The following TMEM132E variants were observed in gnomAD, a reference collection of about 807,000 sequenced individuals.
TMEM132E encodes the protein transmembrane protein 132E.
TMEM132E carries 49 observed loss-of-function variants against 78.5 expected under a neutral mutation model. The ratio of observed to expected loss-of-function variants is 0.62; its 90% CI spans 0.50 to 0.79. TMEM132E has a LOEUF of 0.79. TMEM132E is among the 30% of genes least tolerant of loss of function. The probability of loss-of-function intolerance (pLI) is 0.00; values close to 1 mark genes in which losing one functional copy is unlikely to be tolerated. For missense variants in TMEM132E, 1,403 were observed against 1,470.9 expected, an observed-to-expected ratio of 0.95 and a Z score of 0.75; for synonymous variants, 715 against 670.6, an observed-to-expected ratio of 1.07 and a Z score of -1.02.
intron 1 of TMEM132E, among the ~76,000 whole-genome samples, chr17:34,590,785 G>T (rs1905842844): frequency 6.6e-6 from 1 of 152,204 alleles, no homozygotes; most frequent in Non-Finnish European, 1.5e-5. Context: ...TGCTGGGGAG[G>T]TGTAGAGAGT....
At chr17:34,584,787 GTGGGC>G (rs1905608483) in intron 1 of TMEM132E, among the ~76,000 whole-genome samples, 2 of 152,232 alleles carry the variant, frequency 1.3e-5, no homozygotes, top group Non-Finnish European at 2.9e-5. Context: ...TGCCCCTTGA[GTGGGC>G]ACATACAAGA....
At position 34,637,909 on chromosome 17, in the gene TMEM132E, G is replaced by A. The variant is rs910357535; in HGVS notation, c.2902G>A (p.Asp968Asn). 1 of 1,605,634 alleles carries A rather than the reference G, an allele frequency of 6.2e-7. No individual in the cohort carries two copies. The highest frequency in any genetic ancestry group is 8.5e-7 in the Non-Finnish European group (1 of 1,178,714). The change falls in exon 9 of 9, where the codon GAC (aspartate) becomes AAC (asparagine). Residue 968 changes from aspartate (D) to asparagine (N), a missense_variant. Asp to Asn is a conservative substitution (Grantham distance 23). Around this residue, in one of 3 missense-constraint regions of TMEM132E, gnomAD observed 888 missense variants for 952.8 expected, o/e 0.93. Coordinates refer to ENST00000631683, the MANE Select transcript of TMEM132E (RefSeq NM_001304438.2). ...LETVPAFCHG[D>N]HHSSGSSQTS... Reference sequence around the variant, plus strand: ...AACCGTGCCCGCCTTCTGCCACGGCGACCACCACAGCAGCGGCAGCTCGCA... The same window carrying A: ...AACCGTGCCCGCCTTCTGCCACGGCAACCACCACAGCAGCGGCAGCTCGCA...
At chr17:34,585,531 T>C (rs1204329880) in intron 1 of TMEM132E, among the ~76,000 whole-genome samples, 2 of 152,164 alleles carry the variant, frequency 1.3e-5, no homozygotes, top group Non-Finnish European at 2.9e-5. Context: ...CAACCTCATG[T>C]GGATGAGGAA....
chr17:34,630,803 C>T (rs1907325841), intron 5 of TMEM132E, among the ~76,000 whole-genome samples: 1 of 152,164 alleles, frequency 6.6e-6, no homozygotes, highest in African/African-American at 2.4e-5. Context: ...TGAGCTCCTT[C>T]CCAGGGACCT....
chr17:34,620,124 C>G (rs1402400611), intron 1 of TMEM132E, among the ~76,000 whole-genome samples: 3 of 152,206 alleles, frequency 2.0e-5, no homozygotes, highest in Non-Finnish European at 2.9e-5. Context: ...CTGCCCGGCC[C>G]TAGCTTCCAC....
intron 1 of TMEM132E, among the ~76,000 whole-genome samples, chr17:34,604,832 G>A (rs1043021940): frequency 7.9e-5 from 12 of 152,208 alleles, no homozygotes; most frequent in African/African-American, 2.2e-4. Context: ...TCTGTGCCAG[G>A]CACTTGCATT....
At chr17:34,599,671 T>C (rs1032160695) in intron 1 of TMEM132E, among the ~76,000 whole-genome samples, 8 of 152,204 alleles carry the variant, frequency 5.3e-5, no homozygotes, top group Non-Finnish European at 8.8e-5. Flanking sequence ...TTTTTTATTA[T>C]TATCATTTTT....
At chr17:34,629,872 C>A in intron 4 of TMEM132E, 136 bp from the exon 5 acceptor site, 1 of 1,021,510 alleles carries the variant, frequency 9.8e-7, no homozygotes, top group Non-Finnish European at 1.4e-6. Flanking sequence ...TCCCTGCACA[C>A]GGGTGCAAGT....
At chr17:34,633,963 T>A (rs1907435173) in intron 6 of TMEM132E, among the ~76,000 whole-genome samples, 1 of 152,206 alleles carries the variant, frequency 6.6e-6, no homozygotes, top group African/African-American at 2.4e-5. Context: ...ACATAACCAC[T>A]CTGTGCCTCC....
At chr17:34,619,560 G>T (rs1212456785) in intron 1 of TMEM132E, among the ~76,000 whole-genome samples, 4 of 151,582 alleles carry the variant, frequency 2.6e-5, no homozygotes, top group Non-Finnish European at 5.9e-5. Flanking sequence ...ACTGTTCTAG[G>T]CTCTGGGTAC....
At chr17:34,597,417 G>C (rs889416604) in intron 1 of TMEM132E, among the ~76,000 whole-genome samples, 1 of 152,060 alleles carries the variant, frequency 6.6e-6, no homozygotes, top group African/African-American at 2.4e-5. Flanking sequence ...CTGATTCCTA[G>C]GAAAAAGATC....
At chr17:34,592,783 A>G (rs1785445691) in intron 1 of TMEM132E, among the ~76,000 whole-genome samples, 1 of 152,150 alleles carries the variant, frequency 6.6e-6, no homozygotes, top group South Asian at 2.1e-4. Flanking sequence ...GCATCAAGGA[A>G]CACTTAGGAG....
intron 1 of TMEM132E, among the ~76,000 whole-genome samples, chr17:34,597,312 C>T (rs1178334786): frequency 6.6e-6 from 1 of 152,082 alleles, no homozygotes; most frequent in African/African-American, 2.4e-5. Flanking sequence ...GCTCCAGGGG[C>T]ACTCAGAAGC....
At chr17:34,623,402 C>CT (rs1009100536) in intron 1 of TMEM132E, among the ~76,000 whole-genome samples, 1 of 600 alleles carries the variant, frequency 1.7e-3, no homozygotes, top group African/African-American at 1.9e-3. Context: ...AGTACCCGCT[C>CT]CCCCCCCCCC....
At chr17:34,631,623 G>A (rs1907351474) in intron 5 of TMEM132E, among the ~76,000 whole-genome samples, 2 of 152,206 alleles carry the variant, frequency 1.3e-5, no homozygotes, top group Admixed American at 1.3e-4. Context: ...TGGCAGGGCT[G>A]CTGTCCCATC....
chr17:34,622,983 T>C (rs996302014), intron 1 of TMEM132E, among the ~76,000 whole-genome samples: 19 of 150,696 alleles, frequency 1.3e-4, no homozygotes, highest in African/African-American at 4.7e-4. Context: ...AAACAAAGAT[T>C]GATGAGAGAG....
chr17:34,601,101 A>G (rs1373238875), intron 1 of TMEM132E, among the ~76,000 whole-genome samples: 1 of 152,194 alleles, frequency 6.6e-6, no homozygotes, highest in Admixed American at 6.5e-5. Flanking sequence ...CAGGGGGTGC[A>G]GTTTTCAGGA....
At chr17:34,611,016 T>G (rs549184509) in intron 1 of TMEM132E, among the ~76,000 whole-genome samples, 1 of 152,364 alleles carries the variant, frequency 6.6e-6, no homozygotes, top group Admixed American at 6.5e-5. Context: ...CAGTCGGTCT[T>G]AGCCAACTTG....
intron 5 of TMEM132E, among the ~76,000 whole-genome samples, chr17:34,630,988 G>A (rs1034279560): frequency 3.9e-5 from 6 of 152,218 alleles, no homozygotes; most frequent in Admixed American, 3.9e-4. Context: ...GTGAGCAGAT[G>A]TCCAGCCCTG....
Sources: gnomAD v4.1 joint callset for allele counts (sites outside exome capture counted in the v4.1 genomes callset) on GRCh38, gnomAD v4.1.1 for gene constraint, gnomAD v4.1.1 regional missense constraint, MANE v1.5 for transcripts, NCBI Gene and HGNC (gene_info 2026-07-23, HGNC 2026-07-21) for gene names.